The following CNBD2 variants were observed in gnomAD, a reference collection of about 807,000 sequenced individuals.
The protein encoded by CNBD2 is cyclic nucleotide-binding domain-containing protein 2.
CNBD2 carries 64 observed loss-of-function variants against 63.7 expected under a neutral mutation model. That is an observed-to-expected ratio of 1.00 (90% CI 0.82 to 1.24). The LOEUF is 1.24. CNBD2 is among the 50% of genes most tolerant of loss of function. CNBD2 has a pLI of 0.00. For synonymous variants in CNBD2, 229 were observed against 255.4 expected, an observed-to-expected ratio of 0.90 and a Z score of 0.99; for missense variants, 691 against 713.5, an observed-to-expected ratio of 0.97 and a Z score of 0.36.
chr20:36,015,832 A>C (rs1033309091), intron 10 of CNBD2, among the ~76,000 whole-genome samples: 15 of 152,230 alleles, frequency 9.9e-5, no homozygotes, highest in Non-Finnish European at 2.1e-4. Flanking sequence ...TGCAGAATAA[A>C]TTTCAAGCAA....
chr20:36,014,212 A>G (rs576569155), intron 10 of CNBD2, among the ~76,000 whole-genome samples: 84 of 151,370 alleles, frequency 5.5e-4, no homozygotes, highest in African/African-American at 2.0e-3. Context: ...ATGTATAGGT[A>G]TGGGTGGAAA....
chr20:36,004,129 T>G (rs1846617613), intron 8 of CNBD2, among the ~76,000 whole-genome samples: 1 of 152,144 alleles, frequency 6.6e-6, no homozygotes, highest in Non-Finnish European at 1.5e-5. Context: ...TCTCATCACT[T>G]CTGCTGTATC....
In CNBD2 at chr20:36,030,378, G is replaced by A; in HGVS notation, c.1461G>A (p.Lys487=). ...TTAGTGATGAAGATATGTGCCAGAAGTTCCTCCAGCAGAACAGCTGGAATA... is the reference window on the plus strand; with the variant it reads ...TTAGTGATGAAGATATGTGCCAGAAATTCCTCCAGCAGAACAGCTGGAATA... ...AFPSDEDMCQ[K]FLQQNSWNIF... The change falls in exon 12 of 12, where the codon AAG becomes AAA. Residue 487 remains lysine (K), a synonymous_variant. Coordinates refer to ENST00000373973, the MANE Select transcript of CNBD2 (RefSeq NM_001365709.1). 1 of 1,614,154 alleles carries A rather than the reference G, an allele frequency of 6.2e-7. No individual in the cohort carries two copies. Among genetic ancestry groups the A allele is most frequent in the Non-Finnish European group, 8.5e-7 (1 of 1,180,044 alleles).
chr20:35,990,362 G>C (rs2056728583), intron 7 of CNBD2, among the ~76,000 whole-genome samples: 1 of 152,182 alleles, frequency 6.6e-6, no homozygotes, highest in South Asian at 2.1e-4. Flanking sequence ...CGGGCGCCGT[G>C]GCTCACACCT....
At chr20:36,006,018 C>A (rs1274176346) in intron 8 of CNBD2, among the ~76,000 whole-genome samples, 2 of 151,476 alleles carry the variant, frequency 1.3e-5, no homozygotes. Context: ...GATTCTCATA[C>A]TAGAGATTTT....
chr20:36,007,215 A>C (rs1042889635), intron 8 of CNBD2, among the ~76,000 whole-genome samples: 1 of 152,060 alleles, frequency 6.6e-6, no homozygotes. Context: ...TAAATAAATA[A>C]ATAAGATCAT....
chr20:35,972,392 G>A (rs2056432209), intron 1 of CNBD2, among the ~76,000 whole-genome samples: 1 of 152,170 alleles, frequency 6.6e-6, no homozygotes, highest in Non-Finnish European at 1.5e-5. Flanking sequence ...GAGATGTCCT[G>A]ACTAGTAGCT....
At chr20:36,013,393 G>A (rs1348196518) in intron 10 of CNBD2, among the ~76,000 whole-genome samples, 1 of 151,948 alleles carries the variant, frequency 6.6e-6, no homozygotes, top group East Asian at 1.9e-4. Context: ...ACTCCAGCCT[G>A]GGCAACAGAG....
At chr20:35,978,874 G>A (rs981901895) in intron 3 of CNBD2, among the ~76,000 whole-genome samples, 1 of 152,326 alleles carries the variant, frequency 6.6e-6, no homozygotes, top group East Asian at 1.9e-4. Flanking sequence ...CTCAGATGGT[G>A]GGGAGCAGAT....
intron 10 of CNBD2, among the ~76,000 whole-genome samples, chr20:36,019,602 AG>A (rs1307891635): frequency 6.6e-6 from 1 of 151,428 alleles, no homozygotes; most frequent in East Asian, 1.9e-4. Flanking sequence ...ACAGACAAGC[AG>A]CAAGTTCAAG....
chr20:35,965,150 A>G (rs948457435), upstream of CNBD2, among the ~76,000 whole-genome samples: 74 of 151,954 alleles, frequency 4.9e-4, no homozygotes, highest in Non-Finnish European at 8.1e-4. Flanking sequence ...TATAATCAGC[A>G]AAACAATAAG....
chr20:35,987,319 G>A, intron 6 of CNBD2, 76 bp from the exon 7 acceptor site: 1 of 1,524,080 alleles, frequency 6.6e-7, no homozygotes, highest in Non-Finnish European at 9.0e-7. Context: ...AGAAGAGTAT[G>A]TGCCCTCTGC....
At chr20:36,002,270 G>A (rs913813327) in intron 8 of CNBD2, among the ~76,000 whole-genome samples, 6 of 152,340 alleles carry the variant, frequency 3.9e-5, no homozygotes, top group South Asian at 2.1e-4. Context: ...GGCGGTGCGC[G>A]CCTGCAATCG....
At chr20:35,965,407 AC>A (rs2056338110), upstream of CNBD2, among the ~76,000 whole-genome samples, 1 of 152,016 alleles carries the variant, frequency 6.6e-6, no homozygotes, top group Admixed American at 6.6e-5. Context: ...TGAGCTCCTG[AC>A]CTCAGGTGAT....
chr20:35,964,566 T>TC (rs1311296334), upstream of CNBD2, among the ~76,000 whole-genome samples: 10 of 151,016 alleles, frequency 6.6e-5, no homozygotes. Context: ...ATTTTTTTTT[T>TC]TTGTATTTTT....
chr20:35,991,885 A>ATT (rs201929178), intron 7 of CNBD2, among the ~76,000 whole-genome samples: 1 of 145,200 alleles, frequency 6.9e-6, no homozygotes, highest in African/African-American at 2.5e-5. Context: ...TTCTTCTTTT[A>ATT]TTTTTTTTTT....
At position 36,011,242 on chromosome 20, in the gene CNBD2, G is replaced by T. The variant is rs774307554; in HGVS notation, c.1254G>T (p.Glu418Asp). 7 of 1,564,682 alleles carry T rather than the reference G, an allele frequency of 4.5e-6. No homozygotes were observed. Among genetic ancestry groups the T allele is most frequent in the Admixed American group, 1.9e-5 (1 of 53,504 alleles). The stretch of plus-strand genomic sequence containing the variant: ...CCTACGTGAAGGTGCACACTGTGGA[G>T]CAGGGAGAAATTTTGGTGAGTGTGC... ...VGAYVKVHTV[E>D]QGEILGLHQA... The change falls in exon 10 of 12, where the codon GAG becomes GAT. Residue 418 changes from glutamate (E) to aspartate (D), a missense_variant. By Grantham distance (45) the Glu-to-Asp change is conservative (BLOSUM62 2). Transcript: ENST00000373973.
chr20:36,012,064 T>C (rs2057069167), intron 10 of CNBD2, among the ~76,000 whole-genome samples: 1 of 151,236 alleles, frequency 6.6e-6, no homozygotes, highest in Non-Finnish European at 1.5e-5. Context: ...TTTGGGAGCC[T>C]GAGGCAGGTT....
At chr20:36,016,592 C>T (rs1372987590) in intron 10 of CNBD2, among the ~76,000 whole-genome samples, 1 of 152,042 alleles carries the variant, frequency 6.6e-6, no homozygotes, top group African/African-American at 2.4e-5. Flanking sequence ...GAGTTTGAGA[C>T]CAGCCTGGCC....
Sources: allele counts gnomAD v4.1 joint callset (sites outside exome capture counted in the v4.1 genomes callset), GRCh38; gene constraint gnomAD v4.1.1; transcripts MANE v1.5; gene names NCBI Gene and HGNC (gene_info 2026-07-23, HGNC 2026-07-21).